The following PROM1 variants were observed in gnomAD, a reference collection of about 807,000 sequenced individuals.
The protein encoded by PROM1 is prominin-1.
Under a neutral mutation model 116.9 loss-of-function variants are expected in PROM1, and 105 were observed. The ratio of observed to expected loss-of-function variants is 0.90; its 90% CI spans 0.77 to 1.06. The LOEUF (loss-of-function observed/expected upper bound fraction) is 1.06, where lower values mean the gene tolerates loss of function less well. Among genes scored for constraint, PROM1 ranks in the 50% least tolerant of loss-of-function variants. The pLI is 0.00. For synonymous variants in PROM1, 393 were observed against 387.0 expected, an observed-to-expected ratio of 1.02 and a Z score of -0.18; for missense variants, 1,122 against 1,045.2, an observed-to-expected ratio of 1.07 and a Z score of -1.01.
At position 16,033,499 on chromosome 4, in the gene PROM1, T is replaced by A. The variant is rs570279948; in HGVS notation, c.314A>T (p.Tyr105Phe). 6.3e-7 allele frequency: 1 copy of A among 1,597,826 alleles called. No individual in the cohort carries two copies. Among genetic ancestry groups the A allele is most frequent in the East Asian group, 2.2e-5 (1 of 44,572 alleles). ...ACAGCATAGAATAATCCCTGCTTCATAGTAGACAATCTGCAATTCAAACAA... is the reference window on the plus strand; with the variant it reads ...ACAGCATAGAATAATCCCTGCTTCAAAGTAGACAATCTGCAATTCAAACAA... Reference protein sequence around the residue: ...TVILGLKIVYYEAGIILCCVL... With the variant: ...TVILGLKIVYFEAGIILCCVL... The change falls in exon 5 of 28, where the codon TAT (tyrosine) becomes TTT (phenylalanine). Residue 105 changes from tyrosine (Y) to phenylalanine (F), a missense_variant. Transcript: ENST00000447510.
At chr4:16,054,221 C>T (rs1489225845) in intron 2 of PROM1, among the ~76,000 whole-genome samples, 2 of 152,340 alleles carry the variant, frequency 1.3e-5, no homozygotes, top group East Asian at 1.9e-4. Context: ...TTTGGCCTCT[C>T]ATCTCTCTTC....
chr4:16,045,354 A>C (rs1460778591), intron 2 of PROM1, among the ~76,000 whole-genome samples: 1 of 152,212 alleles, frequency 6.6e-6, no homozygotes, highest in Non-Finnish European at 1.5e-5. Flanking sequence ...GATCCAGTGG[A>C]GAATTCCGAA....
At chr4:15,990,761 C>G (rs112465290) in intron 18 of PROM1, among the ~76,000 whole-genome samples, 1 of 152,206 alleles carries the variant, frequency 6.6e-6, no homozygotes, top group Non-Finnish European at 1.5e-5. Context: ...TGCCCGCCAG[C>G]GCCATGACAG....
At chr4:16,015,284 T>C (rs1447882556) in intron 10 of PROM1, among the ~76,000 whole-genome samples, 2 of 132,302 alleles carry the variant, frequency 1.5e-5, no homozygotes, top group Non-Finnish European at 3.0e-5. Flanking sequence ...AGGCAGAGGT[T>C]GCAGTGACCT....
chr4:16,046,789 G>A (rs1736653115), intron 2 of PROM1, among the ~76,000 whole-genome samples: 1 of 152,230 alleles, frequency 6.6e-6, no homozygotes, highest in Non-Finnish European at 1.5e-5. Context: ...TCTACACAGA[G>A]TGGGTACTTC....
Position 15,979,878 on chromosome 4 carries a change from T to A in PROM1, c.2513+3A>T, listed in dbSNP as rs1212167770. 2 of 1,453,124 alleles carry A rather than the reference T, an allele frequency of 1.4e-6. No homozygotes were observed. The highest frequency in any genetic ancestry group is 1.9e-6 in the Non-Finnish European group (2 of 1,063,480). The allele number at this position is 1,453,124 out of a possible 1,614,324, so 90.0% of individuals were successfully genotyped here. A position where few individuals can be genotyped will look rare whatever the true frequency, so the allele number is the denominator to read the frequency against. On this transcript the variant is annotated splice_donor_region_variant and intron_variant, in intron 25 of 27. Transcript: ENST00000447510. ...GGAATATAGTTTTTTTAAAAAGGCTTACTTTTTCATGGGTATAGTTTCAAC... is the reference window on the plus strand; with the variant it reads ...GGAATATAGTTTTTTTAAAAAGGCTAACTTTTTCATGGGTATAGTTTCAAC...
chr4:15,989,120 A>C (rs1720270450), intron 19 of PROM1, among the ~76,000 whole-genome samples: 1 of 152,190 alleles, frequency 6.6e-6, no homozygotes, highest in Non-Finnish European at 1.5e-5. Flanking sequence ...GCAGTTATTG[A>C]TCCCAACATT....
At chr4:16,055,985 T>C (rs1334089631) in intron 2 of PROM1, among the ~76,000 whole-genome samples, 2 of 152,138 alleles carry the variant, frequency 1.3e-5, no homozygotes, top group Non-Finnish European at 2.9e-5. Context: ...ACTCTGTCCA[T>C]ATTCTCCATG....
chr4:16,023,373 C>G lies in PROM1; in HGVS notation c.737G>C (p.Arg246Thr). 6.2e-7 allele frequency: 1 copy of G among 1,607,762 alleles called. No homozygotes were observed. Among genetic ancestry groups the G allele is most frequent in the Non-Finnish European group, 8.5e-7 (1 of 1,176,824 alleles). ...ATCAAGAACAGGGATGATGTTGGGTCTCAGTCGGTCAAGAATTCCGCCTCC... is the reference window on the plus strand; with the variant it reads ...ATCAAGAACAGGGATGATGTTGGGTGTCAGTCGGTCAAGAATTCCGCCTCC... The part of the protein sequence containing the change: ...VLGGGILDRL[R>T]PNIIPVLDEI... The change falls in exon 8 of 28, where the codon AGA (arginine) becomes ACA (threonine). Residue 246 changes from arginine (R) to threonine (T), a missense_variant. Coordinates refer to ENST00000447510, the MANE Select transcript of PROM1 (RefSeq NM_006017.3).
At chr4:16,043,869 T>C (rs747698545) in intron 2 of PROM1, among the ~76,000 whole-genome samples, 2 of 152,096 alleles carry the variant, frequency 1.3e-5, no homozygotes, top group African/African-American at 2.4e-5. Context: ...TGAACTTCAG[T>C]ATGGACCTTC....
intron 2 of PROM1, chr4:16,055,290 C>T: frequency 2.3e-6 from 1 of 433,264 alleles, no homozygotes; most frequent in South Asian, 1.6e-5. Context: ...GTTCCAGCTA[C>T]TCAGGAGGCT....
chr4:16,022,117 G>A (rs1426728196), intron 8 of PROM1, among the ~76,000 whole-genome samples: 2 of 150,518 alleles, frequency 1.3e-5, no homozygotes, highest in Non-Finnish European at 3.0e-5. Flanking sequence ...GAGGGAAGGA[G>A]GGAAGAAGGG....
At chr4:16,049,008 C>A (rs567748090) in intron 2 of PROM1, among the ~76,000 whole-genome samples, 4 of 152,176 alleles carry the variant, frequency 2.6e-5, no homozygotes, top group African/African-American at 7.2e-5. Context: ...AGTGCAGCCA[C>A]CCTGATGATG....
rs113266999 is a variant in PROM1 at position 16,033,430 on chromosome 4, T to C, written c.383A>G (p.Tyr128Cys). Residue 128 changes from tyrosine to cysteine, a missense_variant, in exon 5 of 28, where the codon TAT becomes TGT. Physicochemically the swap from Tyr to Cys is radical, Grantham distance 194 (BLOSUM62 -2). Transcript: ENST00000447510. Reference sequence around the variant, plus strand: ...ACAGCAACGACACATACAAAAGAAATACCCCACCAGAGGCATCAGAATAAT... The same window carrying C: ...ACAGCAACGACACATACAAAAGAAACACCCCACCAGAGGCATCAGAATAAT... ...LFIILMPLVG[Y>C]FFCMCRCCNK... is the part of the protein sequence containing the mutation. The C allele has an allele frequency of 1.5e-5, 24 of 1,613,630 alleles. No individual in the cohort carries two copies. In the African/African-American group the frequency reaches 2.9e-4, roughly 20 times the overall value.
Position 16,006,557 on chromosome 4 carries a change from C to CG in PROM1, c.1434dup (p.Gly479ArgfsTer39). 6.3e-7 allele frequency: 1 copy of CG among 1,596,600 alleles called. No individual in the cohort carries two copies. The highest frequency in any genetic ancestry group is 8.5e-7 in the Non-Finnish European group (1 of 1,172,104). ...ACTCACACCATGAGGAAGACGCCTC[C>CG]GGTGTTGGAGACACAGCCTCGGGTG... On this transcript the variant is annotated frameshift_variant, in exon 13 of 28. Coordinates refer to ENST00000447510, the MANE Select transcript of PROM1 (RefSeq NM_006017.3). LOFTEE classifies it high-confidence loss of function.
intron 2 of PROM1, among the ~76,000 whole-genome samples, chr4:16,060,134 A>G (rs902079432): frequency 1.3e-5 from 2 of 152,326 alleles, no homozygotes; most frequent in Admixed American, 1.3e-4. Context: ...GCTGAGAATC[A>G]GGAATGGGAC....
In PROM1 at chr4:15,973,203, G is replaced by A. The variant is rs889846952; in HGVS notation, c.2583-2121C>T. Among the ~76,000 whole-genome samples the A allele has an allele frequency of 3.3e-5, 5 of 152,186 alleles. No homozygotes were observed. The South Asian group carries it at 1.0e-3, about 31-fold the overall frequency. On this transcript the variant is annotated intron_variant, in intron 26 of 27. Transcript: ENST00000447510. ...TGGCCAAGCGCAGTGGCTCATGCCT[G>A]TAATCTAGCAATTTGGGTAGATCAC...
At chr4:15,997,282 C>CAT (rs112868587) in intron 15 of PROM1, among the ~76,000 whole-genome samples, 60,201 of 137,258 alleles carry the variant, frequency 0.44, 13,020 homozygotes, top group South Asian at 0.51. Context: ...TTCGTTCATT[C>CAT]ATATATATAT....
chr4:16,051,946 T>C (rs567608801), intron 2 of PROM1, among the ~76,000 whole-genome samples: 1 of 152,280 alleles, frequency 6.6e-6, no homozygotes, highest in South Asian at 2.1e-4. Flanking sequence ...GCTTTGAATC[T>C]CTCCTACATA....
Sources: allele counts gnomAD v4.1 joint callset (sites outside exome capture counted in the v4.1 genomes callset), GRCh38; gene constraint gnomAD v4.1.1; transcripts MANE v1.5; gene names NCBI Gene and HGNC (gene_info 2026-07-23, HGNC 2026-07-21).